Variants in PLA2G5 observed in about 807,000 individuals in gnomAD.
PLA2G5 encodes the protein Ca2+-dependent phospholipase A2.
PLA2G5 carries 12 observed loss-of-function variants against 15.9 expected under a neutral mutation model. That is an observed-to-expected ratio of 0.76 (90% confidence interval 0.48 to 1.23). The LOEUF (loss-of-function observed/expected upper bound fraction) is 1.23, where lower values mean the gene tolerates loss of function less well. Among genes scored for constraint, PLA2G5 ranks in the 50% most tolerant of loss-of-function variants. The pLI, the probability that PLA2G5 is intolerant of heterozygous loss-of-function variation, is 0.00. For missense variants in PLA2G5, 169 were observed against 177.1 expected (o/e 0.95, Z 0.26); for synonymous variants, 71 against 71.4 (o/e 0.99, Z 0.03).
intron 1 of PLA2G5, among the ~76,000 whole-genome samples, chr1:20,074,778 C>T (rs1321797998): frequency 5.3e-5 from 8 of 152,322 alleles, no homozygotes; most frequent in Non-Finnish European, 7.3e-5. Flanking sequence ...TTAGCGCGTC[C>T]GTGCCTGGTG....
In PLA2G5 at chr1:20,074,288, C is replaced by T. The variant is rs144273524; in HGVS notation, c.-11+3823C>T. On this transcript the variant is annotated intron_variant, in intron 1 of 4. Coordinates refer to ENST00000375108, the MANE Select transcript of PLA2G5 (RefSeq NM_000929.3). ...CACTTCTCTCATGCTGGTCATTGCT[C>T]TTGTAACATATCTGCACACGACTCT... 1.2e-3 allele frequency among the ~76,000 whole-genome samples: 179 copies of T among 152,180 alleles called. 1 individual carries two copies. The highest frequency in any genetic ancestry group is 5.8e-3 in the East Asian group (30 of 5,172).
intron 1 of PLA2G5, among the ~76,000 whole-genome samples, chr1:20,073,010 G>T (rs547212270): frequency 4.6e-5 from 7 of 152,314 alleles, no homozygotes; most frequent in African/African-American, 1.7e-4. Flanking sequence ...TTGGGATTGA[G>T]GCAGGTGGAG....
chr1:20,059,979 A>G (rs2014627004), intron 2 of PLA2G5, among the ~76,000 whole-genome samples: 1 of 152,106 alleles, frequency 6.6e-6, no homozygotes, highest in African/African-American at 2.4e-5. Context: ...CTGCTTTTCC[A>G]GCACCCCCAA....
chr1:20,062,135 A>G (rs774355894), intron 2 of PLA2G5, among the ~76,000 whole-genome samples: 1 of 152,248 alleles, frequency 6.6e-6, no homozygotes, highest in Non-Finnish European at 1.5e-5. Flanking sequence ...ATACGCTGGC[A>G]TCATGCTTTC....
chr1:20,089,962 G>A (rs2016487844), intron 4 of PLA2G5, 67 bp downstream of exon 4: 1 of 1,111,362 alleles, frequency 9.0e-7, no homozygotes, highest in Non-Finnish European at 1.3e-6. Context: ...CTGCCCTAGA[G>A]AACAGCCAGC....
At chr1:20,048,940 G>T (rs372773834) in intron 1 of PLA2G5, among the ~76,000 whole-genome samples, 1 of 152,004 alleles carries the variant, frequency 6.6e-6, no homozygotes, top group South Asian at 2.1e-4. Context: ...AAATATATTC[G>T]TAGGAAGACA....
intron 1 of PLA2G5, among the ~76,000 whole-genome samples, chr1:20,033,892 G>A (rs892492039): frequency 2.6e-5 from 4 of 152,088 alleles, no homozygotes; most frequent in Admixed American, 1.3e-4. Context: ...TGGCCAGCAA[G>A]CTAAAGTCGG....
chr1:20,044,097 G>A (rs2013765127), intron 1 of PLA2G5, among the ~76,000 whole-genome samples: 1 of 152,306 alleles, frequency 6.6e-6, no homozygotes, highest in South Asian at 2.1e-4. Flanking sequence ...CTGCTTGGGA[G>A]GAATCCTGGG....
At chr1:20,064,170 T>C (rs1235221583) in intron 2 of PLA2G5, among the ~76,000 whole-genome samples, 1 of 152,196 alleles carries the variant, frequency 6.6e-6, no homozygotes, top group Non-Finnish European at 1.5e-5. Flanking sequence ...AAAATGGATA[T>C]GACTCAGGAT....
chr1:20,090,001 G>T (rs2016490731), intron 4 of PLA2G5, 106 bp downstream of exon 4: 2 of 764,782 alleles, frequency 2.6e-6, no homozygotes, highest in Non-Finnish European at 4.3e-6. Flanking sequence ...GGAGGAGTTG[G>T]GTGCAGAACT....
At chr1:20,078,821 C>T (rs1444923634) in intron 1 of PLA2G5, among the ~76,000 whole-genome samples, 4 of 152,016 alleles carry the variant, frequency 2.6e-5, no homozygotes, top group Admixed American at 6.6e-5. Flanking sequence ...AAATCCAAGT[C>T]TTTGGCGGGG....
intron 3 of PLA2G5, among the ~76,000 whole-genome samples, chr1:20,087,476 C>T (rs566431381): frequency 1.3e-5 from 2 of 152,152 alleles, no homozygotes; most frequent in African/African-American, 4.8e-5. Context: ...TCACTGCAAG[C>T]TCCGCCTCCT....
rs1024923687 is a variant in PLA2G5 at position 20,075,983 on chromosome 1, T to C, written c.-11+5518T>C. Among the ~76,000 whole-genome samples, 5 of 150,668 alleles carry C rather than the reference T, an allele frequency of 3.3e-5. No homozygotes were observed. In the Admixed American group the frequency reaches 3.3e-4, roughly 10 times the overall value. On this transcript the variant is annotated intron_variant, in intron 1 of 4. Coordinates refer to ENST00000375108, the MANE Select transcript of PLA2G5 (RefSeq NM_000929.3). ...GCCTTCCGGGTTCAAGCGATTCTCC[T>C]GCCTCAGCCTCCCAAGTAGCTAGGA...
chr1:20,091,868 G>A lies in PLA2G5; in HGVS notation c.*1176G>A, dbSNP rs530120048. On this transcript the variant is annotated 3_prime_UTR_variant, in exon 5 of 5. Coordinates refer to ENST00000375108, the MANE Select transcript of PLA2G5 (RefSeq NM_000929.3). ...TCTATATTTAAAAAGCTCTAGTGTCGAATGTTTTCAAAATAAAATTTAATT... is the reference window on the plus strand; with the variant it reads ...TCTATATTTAAAAAGCTCTAGTGTCAAATGTTTTCAAAATAAAATTTAATT... 2.6e-5 allele frequency among the ~76,000 whole-genome samples: 4 copies of A among 152,218 alleles called. No homozygotes were observed. The highest frequency in any genetic ancestry group is 1.9e-4 in the East Asian group (1 of 5,182).
intron 2 of PLA2G5, among the ~76,000 whole-genome samples, chr1:20,060,583 A>G (rs1278682958): frequency 6.6e-6 from 1 of 150,890 alleles, no homozygotes; most frequent in African/African-American, 2.4e-5. Flanking sequence ...AAGACATTAG[A>G]TTGCAGTGGT....
Position 20,070,248 on chromosome 1 carries a change from C to A in PLA2G5, c.-228C>A. ...CTGGGTCCAGGCAGAAGTTTTTCCT[C>A]CCCACCTCCGGGTTTGTCCTCATCA... On this transcript the variant is annotated 5_prime_UTR_variant, in exon 1 of 5. Transcript: ENST00000375108. 1.0e-6 allele frequency: 1 copy of A among 985,528 alleles called. No individual in the cohort carries two copies. The highest frequency in any genetic ancestry group is 1.2e-6 in the Non-Finnish European group (1 of 830,018). The allele number at this position is 985,528 out of a possible 1,614,324, so 61.0% of individuals were successfully genotyped here. A position where few individuals can be genotyped will look rare whatever the true frequency, so the allele number is the denominator to read the frequency against.
At position 20,028,900 on chromosome 1, in the gene PLA2G5, CT is replaced by C. The variant is rs927034920; in HGVS notation, n.276+192del. ...CTTCAGTGCCCTGCTGCTCAAACCT[CT>C]AGGGGAGCATACAGATGGGCAGGCT... is the stretch of plus-strand genomic sequence containing the variant. On this transcript the variant is annotated intron_variant and non_coding_transcript_variant, in intron 1 of 6. Transcript: ENST00000460175. Among the ~76,000 whole-genome samples the C allele has an allele frequency of 7.7e-4, 118 of 152,324 alleles. 1 individual carries two copies. Among genetic ancestry groups the C allele is most frequent in the African/African-American group, 2.7e-3 (113 of 41,572 alleles).
chr1:20,029,293 TTGCCTGTTGG>T (rs2012751404), intron 1 of PLA2G5, among the ~76,000 whole-genome samples: 1 of 151,936 alleles, frequency 6.6e-6, no homozygotes, highest in Admixed American at 6.6e-5. Context: ...CAGCATGCTA[TTGCCTGTTGG>T]TGCATTCCTC....
intron 1 of PLA2G5, among the ~76,000 whole-genome samples, chr1:20,072,585 G>A (rs919986728): frequency 2.0e-5 from 3 of 152,194 alleles, no homozygotes; most frequent in Non-Finnish European, 4.4e-5. Context: ...ATGCGTTAGG[G>A]GTGGTATAAG....
Sources: gnomAD v4.1 joint callset for allele counts (sites outside exome capture counted in the v4.1 genomes callset) on GRCh38, gnomAD v4.1.1 for gene constraint, MANE v1.5 for transcripts, NCBI Gene and HGNC (gene_info 2026-07-23, HGNC 2026-07-21) for gene names.